The following VPS13D variants were observed in gnomAD, a reference collection of about 807,000 sequenced individuals.
VPS13D encodes vacuolar protein sorting 13 homolog D, also known as intermembrane lipid transfer protein VPS13D.
In VPS13D, 187 loss-of-function variants were observed where a neutral mutation model predicts 461.9. The ratio of observed to expected loss-of-function variants is 0.40; its 90% CI spans 0.36 to 0.46. VPS13D has a LOEUF of 0.46. VPS13D is among the 20% of genes least tolerant of loss of function. The pLI is 0.60. For synonymous variants in VPS13D, 1,951 were observed against 1,986.3 expected (o/e 0.98, Z 0.47); for missense variants, 4,711 against 5,364.9 (o/e 0.88, Z 3.81).
At chr1:12,501,174 T>C (rs112598234) in intron 68 of VPS13D, among the ~76,000 whole-genome samples, 1 of 152,178 alleles carries the variant, frequency 6.6e-6, no homozygotes, top group Non-Finnish European at 1.5e-5. Context: ...TTGTATCTTG[T>C]CTCCTTGAGA....
chr1:12,355,773 A>G, intron 47 of VPS13D, 126 bp from the exon 48 acceptor site: 1 of 962,766 alleles, frequency 1.0e-6, no homozygotes, highest in Non-Finnish European at 1.5e-6. Flanking sequence ...AGCCATTCTA[A>G]TGAAGATTTT....
intron 67 of VPS13D, among the ~76,000 whole-genome samples, chr1:12,484,139 A>G (rs1298568396): frequency 2.6e-5 from 4 of 152,210 alleles, no homozygotes; most frequent in Non-Finnish European, 5.9e-5. Context: ...GTAAAACGTG[A>G]CCAGTTGGTA....
At chr1:12,286,740 G>A (rs895993874) in intron 21 of VPS13D, among the ~76,000 whole-genome samples, 1 of 152,248 alleles carries the variant, frequency 6.6e-6, no homozygotes, top group Non-Finnish European at 1.5e-5. Flanking sequence ...GTGACACTAA[G>A]ATTCGTGGGA....
rs1645942080 is a variant in VPS13D at position 12,495,293 on chromosome 1, G to A, written c.12663-2207G>A. ...GCCTCCTGAATAGCTGGGACTACAG[G>A]CGCCCGCCACTCCCCCGCCCACCCC... On this transcript the variant is annotated intron_variant, in intron 67 of 69. Transcript: ENST00000620676. The surrounding 1 kb of genome is among the most constrained non-coding windows in gnomAD (Gnocchi z 4.0). 1.3e-5 allele frequency among the ~76,000 whole-genome samples: 2 copies of A among 151,400 alleles called. No individual in the cohort carries two copies. The highest frequency in any genetic ancestry group is 4.2e-4 in the South Asian group (2 of 4,774).
In VPS13D at chr1:12,415,071, T is replaced by C; in HGVS notation, c.12031-16T>C. 1 of 1,613,494 alleles carries C rather than the reference T, an allele frequency of 6.2e-7. No homozygotes were observed. The highest frequency in any genetic ancestry group is 8.5e-7 in the Non-Finnish European group (1 of 1,179,646). ...CATATGACTTAAGTATGTCATTTCC[T>C]TTCTTCCCTAATTAGGCCCTAAAAA... On this transcript the variant is annotated splice_polypyrimidine_tract_variant and intron_variant, in intron 63 of 69. Transcript: ENST00000620676.
chr1:12,258,933 T>A (rs1220687358), intron 10 of VPS13D, among the ~76,000 whole-genome samples: 1 of 152,238 alleles, frequency 6.6e-6, no homozygotes, highest in Non-Finnish European at 1.5e-5. Flanking sequence ...CCCATTCACT[T>A]TGCTAATGCT....
chr1:12,312,598 A>T (rs1432781319), intron 29 of VPS13D, among the ~76,000 whole-genome samples: 1 of 152,190 alleles, frequency 6.6e-6, no homozygotes, highest in Non-Finnish European at 1.5e-5. Context: ...TGTCTCTACA[A>T]AAAATTAAAA....
chr1:12,294,776 C>T (rs1642228209), intron 24 of VPS13D, among the ~76,000 whole-genome samples: 2 of 152,086 alleles, frequency 1.3e-5, no homozygotes, highest in Non-Finnish European at 2.9e-5. Flanking sequence ...GGCGCCACTG[C>T]ACTCCAGTCT....
At chr1:12,337,053 T>A (rs1395727484) in intron 39 of VPS13D, 2 of 152,128 alleles carry the variant, frequency 1.3e-5, no homozygotes, top group Non-Finnish European at 2.9e-5. Flanking sequence ...TGCCTCCCTT[T>A]CTTCCTTCCT....
chr1:12,249,825 G>T (rs960388842), intron 6 of VPS13D, among the ~76,000 whole-genome samples: 1 of 152,142 alleles, frequency 6.6e-6, no homozygotes, highest in Non-Finnish European at 1.5e-5. Context: ...GACGTGTGAG[G>T]ATTTTCCCCC....
intron 34 of VPS13D, among the ~76,000 whole-genome samples, chr1:12,323,470 C>G (rs1489341863): frequency 6.6e-6 from 1 of 151,956 alleles, no homozygotes; most frequent in African/African-American, 2.4e-5. Context: ...ACCTTCCCCC[C>G]CCACCCCAAT....
chr1:12,435,709 CTCTA>C (rs1163803628), intron 65 of VPS13D, among the ~76,000 whole-genome samples: 6 of 151,480 alleles, frequency 4.0e-5, no homozygotes, highest in African/African-American at 1.5e-4. Flanking sequence ...AAAAGCAGCA[CTCTA>C]TCTAGTAGGC....
chr1:12,389,978 A>G (rs1286610322), intron 60 of VPS13D, among the ~76,000 whole-genome samples: 1 of 152,218 alleles, frequency 6.6e-6, no homozygotes, highest in Non-Finnish European at 1.5e-5. Flanking sequence ...CACCCCAGCC[A>G]ACACTGTAAC....
intron 63 of VPS13D, among the ~76,000 whole-genome samples, chr1:12,414,143 G>T (rs1357439259): frequency 6.6e-6 from 1 of 152,096 alleles, no homozygotes; most frequent in Non-Finnish European, 1.5e-5. Flanking sequence ...AATTAGCTGG[G>T]CATGGTAGTT....
chr1:12,335,950 C>A, intron 39 of VPS13D, 123 bp downstream of exon 39: 1 of 1,411,682 alleles, frequency 7.1e-7, no homozygotes, highest in Non-Finnish European at 9.7e-7. Context: ...TTCTGACTAT[C>A]TTCTGTAGTT....
intron 65 of VPS13D, among the ~76,000 whole-genome samples, chr1:12,442,585 CTT>C (rs370449071): frequency 2.9e-5 from 4 of 138,660 alleles, no homozygotes; most frequent in African/African-American, 2.7e-5. Flanking sequence ...ATTTCCCTTA[CTT>C]TTTTTTTTTT....
intron 48 of VPS13D, 35 bp downstream of exon 48, chr1:12,356,125 G>A (rs761645417): frequency 2.2e-5 from 34 of 1,564,000 alleles, no homozygotes; most frequent in African/African-American, 5.5e-5. Context: ...GGTCTTTGGC[G>A]TTAGTCATGG....
intron 53 of VPS13D, among the ~76,000 whole-genome samples, chr1:12,369,033 A>C (rs6670266): frequency 0.048 from 7,307 of 152,318 alleles, 577 homozygotes; most frequent in African/African-American, 0.16. Context: ...TTCAAATAAT[A>C]ATAGGTCTTA....
intron 26 of VPS13D, 135 bp from the exon 27 acceptor site, chr1:12,308,296 G>A: frequency 1.1e-6 from 1 of 904,628 alleles, no homozygotes; most frequent in Non-Finnish European, 1.7e-6. Context: ...TTTCTGAGTA[G>A]TGGACAGTGT....
Sources: gnomAD v4.1 joint callset for allele counts (sites outside exome capture counted in the v4.1 genomes callset) on GRCh38, gnomAD v4.1.1 for gene constraint, Gnocchi (gnomAD v3.1) non-coding constraint, MANE v1.5 for transcripts, NCBI Gene and HGNC (gene_info 2026-07-23, HGNC 2026-07-21) for gene names.